The following GRIN2B variants were observed in gnomAD, a reference collection of about 807,000 sequenced individuals.
GRIN2B encodes glutamate ionotropic receptor NMDA type subunit 2B.
In GRIN2B, 5 loss-of-function variants were observed where a neutral mutation model predicts 114.5. That is an observed-to-expected ratio of 0.04 (90% confidence interval 0.02 to 0.09). The LOEUF is 0.09. Among genes scored for constraint, GRIN2B ranks in the 10% least tolerant of loss-of-function variants. The pLI, the probability that GRIN2B is intolerant of heterozygous loss-of-function variation, is 1.00. For synonymous variants in GRIN2B, 787 were observed against 745.1 expected (o/e 1.06, Z -0.92); for missense variants, 1,108 against 1,943.5 (o/e 0.57, Z 8.08).
At chr12:13,736,317 G>T (rs938672634) in intron 4 of GRIN2B, among the ~76,000 whole-genome samples, 2 of 151,992 alleles carry the variant, frequency 1.3e-5, no homozygotes, top group African/African-American at 4.8e-5. Flanking sequence ...TCCCTTTCTG[G>T]TTCTCAAGAC....
intron 3 of GRIN2B, among the ~76,000 whole-genome samples, chr12:13,792,931 T>C (rs1249582831): frequency 2.0e-5 from 3 of 152,204 alleles, no homozygotes; most frequent in African/African-American, 7.2e-5. Flanking sequence ...TTGTGGAGGA[T>C]TGTGGTCTTA....
At chr12:13,855,516 G>C (rs80322413) in intron 3 of GRIN2B, among the ~76,000 whole-genome samples, 1 of 152,102 alleles carries the variant, frequency 6.6e-6, no homozygotes, top group African/African-American at 2.4e-5. Context: ...TAAAATCAAG[G>C]TGTCGGGAGT....
intron 3 of GRIN2B, among the ~76,000 whole-genome samples, chr12:13,809,394 A>G (rs936863266): frequency 6.6e-6 from 1 of 152,208 alleles, no homozygotes; most frequent in Non-Finnish European, 1.5e-5. Context: ...TCTCTGTGAG[A>G]CTTCATATCC....
intron 2 of GRIN2B, among the ~76,000 whole-genome samples, chr12:13,876,338 G>T (rs1314423521): frequency 6.6e-6 from 1 of 152,174 alleles, no homozygotes. Context: ...CTAGCACAAT[G>T]CAGTTACCTG....
intron 3 of GRIN2B, among the ~76,000 whole-genome samples, chr12:13,826,983 A>G (rs1400943993): frequency 6.6e-6 from 1 of 151,402 alleles, no homozygotes; most frequent in African/African-American, 2.4e-5. Context: ...ATCTTTTTAA[A>G]AGATATTTTT....
chr12:13,898,486 G>C (rs1266324000), intron 2 of GRIN2B, among the ~76,000 whole-genome samples: 1 of 152,222 alleles, frequency 6.6e-6, no homozygotes, highest in Non-Finnish European at 1.5e-5. Flanking sequence ...TCTCTTAGTT[G>C]ACATTGTATG....
intron 2 of GRIN2B, among the ~76,000 whole-genome samples, chr12:13,966,518 T>C (rs566544344): frequency 2.2e-4 from 33 of 152,336 alleles, no homozygotes; most frequent in African/African-American, 7.9e-4. Flanking sequence ...ATTCATGTTC[T>C]CTAAATATTC....
chr12:13,819,559 G>C (rs969493713), intron 3 of GRIN2B, among the ~76,000 whole-genome samples: 2 of 152,142 alleles, frequency 1.3e-5, no homozygotes, highest in African/African-American at 4.8e-5. Flanking sequence ...AAAGGTAATA[G>C]CGTGTATTTA....
At chr12:13,586,590 C>T (rs988597805) in intron 10 of GRIN2B, among the ~76,000 whole-genome samples, 2 of 152,098 alleles carry the variant, frequency 1.3e-5, no homozygotes, top group African/African-American at 2.4e-5. Flanking sequence ...GAAGTCATTG[C>T]CAAATAGGTC....
intron 4 of GRIN2B, among the ~76,000 whole-genome samples, chr12:13,697,146 G>A (rs1950267855): frequency 6.6e-6 from 1 of 152,040 alleles, no homozygotes; most frequent in African/African-American, 2.4e-5. Flanking sequence ...AAATCACCCA[G>A]CAAGTTTGCT....
chr12:13,893,149 C>T (rs1866291877), intron 2 of GRIN2B, among the ~76,000 whole-genome samples: 1 of 152,146 alleles, frequency 6.6e-6, no homozygotes, highest in Admixed American at 6.5e-5. Flanking sequence ...TTGTTTTGAA[C>T]AGCCTTTGAA....
At chr12:13,587,313 A>G (rs1212615175) in intron 10 of GRIN2B, among the ~76,000 whole-genome samples, 2 of 149,644 alleles carry the variant, frequency 1.3e-5, no homozygotes, top group Non-Finnish European at 3.0e-5. Context: ...CACTAGCCTG[A>G]TGTACATTTT....
chr12:13,916,145 G>A (rs1009031451), intron 2 of GRIN2B, among the ~76,000 whole-genome samples: 1 of 152,026 alleles, frequency 6.6e-6, no homozygotes, highest in African/African-American at 2.4e-5. Flanking sequence ...AAGAGGCTGG[G>A]GGACTTTTTG....
At chr12:13,902,216 T>A (rs1044420662) in intron 2 of GRIN2B, among the ~76,000 whole-genome samples, 16 of 152,188 alleles carry the variant, frequency 1.1e-4, no homozygotes, top group Admixed American at 1.0e-3. Flanking sequence ...TCTTTAAGTG[T>A]CTTAGCTGTT....
At chr12:13,811,625 G>A (rs1200823479) in intron 3 of GRIN2B, among the ~76,000 whole-genome samples, 1 of 152,166 alleles carries the variant, frequency 6.6e-6, no homozygotes, top group Non-Finnish European at 1.5e-5. Flanking sequence ...ACATCAAGAA[G>A]AGTCCTCCCT....
At chr12:13,956,338 A>G (rs1030058950) in intron 2 of GRIN2B, among the ~76,000 whole-genome samples, 4 of 152,260 alleles carry the variant, frequency 2.6e-5, no homozygotes, top group Admixed American at 6.5e-5. Flanking sequence ...ATAATGAGCC[A>G]TTAAAGGCTT....
chr12:13,866,786 C>A (rs187455965), intron 2 of GRIN2B, among the ~76,000 whole-genome samples: 2 of 152,186 alleles, frequency 1.3e-5, no homozygotes, highest in Non-Finnish European at 2.9e-5. Flanking sequence ...TAGTATCTGG[C>A]TCTTAATATT....
intron 5 of GRIN2B, among the ~76,000 whole-genome samples, chr12:13,650,261 A>G (rs1382368021): frequency 6.6e-6 from 1 of 151,762 alleles, no homozygotes; most frequent in Admixed American, 6.6e-5. Context: ...TGCCTTCTCC[A>G]CATGCCCAGT....
chr12:13,751,554 G>A (rs1292211754), intron 4 of GRIN2B, among the ~76,000 whole-genome samples: 1 of 152,048 alleles, frequency 6.6e-6, no homozygotes, highest in African/African-American at 2.4e-5. Context: ...TGGAACCAAG[G>A]GCATCTAGGA....
Sources: gnomAD v4.1 joint callset for allele counts (sites outside exome capture counted in the v4.1 genomes callset) on GRCh38, gnomAD v4.1.1 for gene constraint, MANE v1.5 for transcripts, NCBI Gene and HGNC (gene_info 2026-07-23, HGNC 2026-07-21) for gene names.